Variants in OTUD7A observed in about 807,000 individuals in gnomAD.
OTUD7A encodes the protein OTU domain-containing protein 7A.
In OTUD7A, 12 loss-of-function variants were observed where a neutral mutation model predicts 65.7. The observed-to-expected ratio is 0.18, with a 90% confidence interval of 0.12 to 0.30. The LOEUF is 0.30. Among genes scored for constraint, OTUD7A ranks in the 10% least tolerant of loss-of-function variants. OTUD7A has a pLI of 1.00. For missense variants in OTUD7A, 1,148 were observed against 1,304.8 expected (o/e 0.88, Z 1.85); for synonymous variants, 641 against 586.3 (o/e 1.09, Z -1.35).
At chr15:31,526,279 C>G (rs981744180) in intron 8 of OTUD7A, 70 bp downstream of exon 8, 2 of 1,397,854 alleles carry the variant, frequency 1.4e-6, no homozygotes, top group African/African-American at 2.8e-5. Context: ...GCCATCCCCC[C>G]ATGCTGTGTG....
chr15:31,791,095 C>T (rs1351783644), intron 1 of OTUD7A, among the ~76,000 whole-genome samples: 1 of 152,128 alleles, frequency 6.6e-6, no homozygotes, highest in Admixed American at 6.5e-5. Context: ...GGCTCGATCT[C>T]GGCTCACTGC....
At chr15:31,741,550 T>C (rs1349891246) in intron 1 of OTUD7A, among the ~76,000 whole-genome samples, 2 of 152,026 alleles carry the variant, frequency 1.3e-5, no homozygotes, top group African/African-American at 4.8e-5. Flanking sequence ...GTAAAATGAA[T>C]ACAATCTGCA....
At chr15:31,837,619 G>T (rs1897087910) in intron 1 of OTUD7A, among the ~76,000 whole-genome samples, 1 of 152,088 alleles carries the variant, frequency 6.6e-6, no homozygotes, top group Admixed American at 6.6e-5. Flanking sequence ...CTTGTATATT[G>T]AAAGTCACAA....
At chr15:31,793,833 C>G (rs1354863276) in intron 1 of OTUD7A, among the ~76,000 whole-genome samples, 1 of 152,192 alleles carries the variant, frequency 6.6e-6, no homozygotes, top group Non-Finnish European at 1.5e-5. Flanking sequence ...GTAGGCTCTT[C>G]TTGGTTGCTG....
intron 1 of OTUD7A, chr15:31,766,065 T>C: frequency 6.7e-7 from 1 of 1,495,896 alleles, no homozygotes; most frequent in Non-Finnish European, 9.3e-7. Context: ...TCCAGGACTT[T>C]CAATATGTCC....
rs1000081974 is a variant in OTUD7A, at chr15:31,476,400, C to G, written c.*6894G>C. The G allele has an allele frequency of 2.0e-5, 3 of 152,234 alleles. No homozygotes were observed. Among genetic ancestry groups the G allele is most frequent in the Non-Finnish European group, 4.4e-5 (3 of 68,080 alleles). 9.4% of individuals were successfully genotyped at this position (152,234 alleles called of 1,614,324 possible). A position where few individuals can be genotyped will look rare whatever the true frequency, so the allele number is the denominator to read the frequency against. On this transcript the variant is annotated 3_prime_UTR_variant, in exon 13 of 13. Coordinates refer to ENST00000307050, the MANE Select transcript of OTUD7A (RefSeq NM_001382637.1). ...GGTGTTTGGATTCCATTCCTGCAAG[C>G]GGGAAGAATGTGTGCAAAGAGCTGG... is the stretch of plus-strand genomic sequence containing the variant.
intron 1 of OTUD7A, among the ~76,000 whole-genome samples, chr15:31,671,906 C>A (rs1418926900): frequency 1.3e-5 from 2 of 152,152 alleles, no homozygotes; most frequent in East Asian, 3.9e-4. Context: ...TATTTTTATC[C>A]TCATCCTCTT....
At chr15:31,755,061 G>A (rs1045463798) in intron 1 of OTUD7A, among the ~76,000 whole-genome samples, 12 of 79,038 alleles carry the variant, frequency 1.5e-4, no homozygotes, top group East Asian at 1.2e-3. Flanking sequence ...CTCTGTGTTC[G>A]TGTGTGTGTG....
chr15:31,738,515 G>A (rs1370648300), intron 1 of OTUD7A, among the ~76,000 whole-genome samples: 1 of 152,190 alleles, frequency 6.6e-6, no homozygotes, highest in Non-Finnish European at 1.5e-5. Context: ...AAGGGTCCCA[G>A]AGGCATTCTG....
At position 31,484,054 on chromosome 15, in the gene OTUD7A, C is replaced by A. The variant is rs762570640; in HGVS notation, c.2042G>T (p.Arg681Leu). 4.4e-6 allele frequency: 6 copies of A among 1,376,060 alleles called. No individual in the cohort carries two copies. The highest frequency in any genetic ancestry group is 2.8e-5 in the Admixed American group (1 of 35,558). The allele number at this position is 1,376,060 out of a possible 1,614,324, so 85.2% of individuals were successfully genotyped here. A position where few individuals can be genotyped will look rare whatever the true frequency, so the allele number is the denominator to read the frequency against. ...AGCGGCGGCCGCAGTAGCGGCGTCG[C>A]GGCGCCGCTGCTCCTGCTCGGCGCT... Reference protein sequence around the residue: ...RFSAEQEQRRRDAATAAAAAA... With the variant: ...RFSAEQEQRRLDAATAAAAAA... The change falls in exon 13 of 13, where the codon CGC becomes CTC. Residue 681 changes from arginine (R) to leucine (L), a missense_variant. Transcript: ENST00000307050. This position sits in a 1 kb window ranked among gnomAD's most constrained non-coding sequence, Gnocchi z 4.5.
chr15:31,867,353 T>C (rs1456262711), intron 1 of OTUD7A, among the ~76,000 whole-genome samples: 1 of 152,152 alleles, frequency 6.6e-6, no homozygotes, highest in Non-Finnish European at 1.5e-5. Context: ...AGGCACGTCA[T>C]GGAAATAAAT....
rs796202143 is a variant in OTUD7A at position 31,811,004 on chromosome 15, G to A, written c.-100+59503C>T. 3.3e-5 allele frequency among the ~76,000 whole-genome samples: 5 copies of A among 152,318 alleles called. No homozygotes were observed. The South Asian group carries it at 8.3e-4, about 25-fold the overall frequency. The stretch of plus-strand genomic sequence containing the variant: ...GTATTGTGTGCCTGTGAAGGAGTGT[G>A]CCTTGCATTGAAAGTCTCAAAGCAG... On this transcript the variant is annotated intron_variant, in intron 1 of 12. Coordinates refer to ENST00000307050, the MANE Select transcript of OTUD7A (RefSeq NM_001382637.1).
chr15:31,537,027 C>T (rs1022783513), intron 5 of OTUD7A, among the ~76,000 whole-genome samples: 1 of 151,820 alleles, frequency 6.6e-6, no homozygotes, highest in African/African-American at 2.4e-5. Context: ...TCAGATATAC[C>T]CCATAAATTT....
chr15:31,663,358 T>C (rs1349338564), intron 1 of OTUD7A, among the ~76,000 whole-genome samples: 9 of 151,856 alleles, frequency 5.9e-5, no homozygotes, highest in Admixed American at 5.9e-4. Flanking sequence ...ACGTGTGCCA[T>C]GGTGGTTTGT....
chr15:31,627,801 T>A (rs1891008917), intron 3 of OTUD7A, among the ~76,000 whole-genome samples: 1 of 152,246 alleles, frequency 6.6e-6, no homozygotes, highest in South Asian at 2.1e-4. Flanking sequence ...TGTGAGATGG[T>A]ATCTCATTGT....
At chr15:31,768,865 A>T (rs1212896356) in intron 1 of OTUD7A, among the ~76,000 whole-genome samples, 1 of 152,228 alleles carries the variant, frequency 6.6e-6, no homozygotes, top group African/African-American at 2.4e-5. Context: ...ATCACCAAAA[A>T]GCATACAAAG....
chr15:31,596,353 C>A (rs1298709907), intron 3 of OTUD7A, among the ~76,000 whole-genome samples: 3 of 152,174 alleles, frequency 2.0e-5, no homozygotes, highest in African/African-American at 7.2e-5. Flanking sequence ...ATCTACTGTG[C>A]GGATGCGCTG....
At chr15:31,726,730 T>C (rs560151887) in intron 1 of OTUD7A, among the ~76,000 whole-genome samples, 1 of 152,352 alleles carries the variant, frequency 6.6e-6, no homozygotes, top group South Asian at 2.1e-4. Flanking sequence ...AATGATCCAC[T>C]GTACCTACCA....
intron 1 of OTUD7A, among the ~76,000 whole-genome samples, chr15:31,680,004 G>T (rs1329383063): frequency 6.6e-6 from 1 of 152,112 alleles, no homozygotes; most frequent in Non-Finnish European, 1.5e-5. Context: ...CAAATGACTA[G>T]TCGACAAATG....
Sources: allele counts gnomAD v4.1 joint callset (sites outside exome capture counted in the v4.1 genomes callset), GRCh38; gene constraint gnomAD v4.1.1; non-coding constraint Gnocchi (gnomAD v3.1); transcripts MANE v1.5; gene names NCBI Gene and HGNC (gene_info 2026-07-23, HGNC 2026-07-21).